The following DNAH8 variants were observed in gnomAD, a reference collection of about 807,000 sequenced individuals.
DNAH8 encodes the protein axonemal beta dynein heavy chain 8.
DNAH8 carries 382 observed loss-of-function variants against 562.1 expected under a neutral mutation model. That is an observed-to-expected ratio of 0.68 (90% CI 0.63 to 0.74). DNAH8 has a LOEUF of 0.74. DNAH8 is among the 30% of genes least tolerant of loss of function. The probability of loss-of-function intolerance (pLI) is 0.00; values close to 1 mark genes in which losing one functional copy is unlikely to be tolerated. For missense variants in DNAH8, 5,203 were observed against 5,620.4 expected, an observed-to-expected ratio of 0.93 and a Z score of 2.37; for synonymous variants, 1,881 against 1,919.4, an observed-to-expected ratio of 0.98 and a Z score of 0.52.
In DNAH8 at chr6:38,786,942, T is replaced by C; in HGVS notation, c.2573T>C (p.Leu858Pro). The change falls in exon 18 of 93, where the codon CTG becomes CCG. Residue 858 changes from leucine (L) to proline (P), a missense_variant. Transcript: ENST00000327475. Reference sequence around the variant, plus strand: ...GAAAGTAAATTGAAAGCAGACAAACTGTATTTGCAGGTAAGATAGATTATG... The same window carrying C: ...GAAAGTAAATTGAAAGCAGACAAACCGTATTTGCAGGTAAGATAGATTATG... ...KLESKLKADK[L>P]YLQGLLQYYD... is the part of the protein sequence containing the mutation. 6.2e-7 allele frequency: 1 copy of C among 1,603,312 alleles called. No homozygotes were observed. Among genetic ancestry groups the C allele is most frequent in the South Asian group, 1.1e-5 (1 of 88,840 alleles).
intron 4 of DNAH8, among the ~76,000 whole-genome samples, chr6:38,732,874 G>A (rs1424809361): frequency 6.6e-6 from 1 of 151,938 alleles, no homozygotes; most frequent in East Asian, 1.9e-4. Context: ...TTGTGATGTG[G>A]ATTTTCTATT....
intron 82 of DNAH8, among the ~76,000 whole-genome samples, chr6:38,956,038 G>A (rs1762220851): frequency 6.6e-6 from 1 of 152,230 alleles, no homozygotes. Flanking sequence ...GTGTCTCAGT[G>A]CAGAGGCTCG....
intron 12 of DNAH8, among the ~76,000 whole-genome samples, chr6:38,772,339 T>C (rs986824594): frequency 6.6e-6 from 1 of 152,190 alleles, no homozygotes; most frequent in Non-Finnish European, 1.5e-5. Context: ...AGGTTTATGA[T>C]TTCTTCATAT....
chr6:38,951,259 A>G lies in DNAH8; in HGVS notation c.12249-59A>G, dbSNP rs935590385. The G allele has an allele frequency of 5.6e-6, 8 of 1,431,620 alleles. No individual in the cohort carries two copies. The African/African-American group carries it at 9.9e-5, about 18-fold the overall frequency. The allele number at this position is 1,431,620 out of a possible 1,614,324, so 88.7% of individuals were successfully genotyped here. A position where few individuals can be genotyped will look rare whatever the true frequency, so the allele number is the denominator to read the frequency against. On this transcript the variant is annotated intron_variant, in intron 81 of 92. Coordinates refer to ENST00000327475, the MANE Select transcript of DNAH8 (RefSeq NM_001206927.2). ...ATTAAATGTATGTTTTTACTTACTC[A>G]GATAGGATAAAAATTGAACACGTTT...
At chr6:38,904,126 A>G (rs987573068) in intron 62 of DNAH8, among the ~76,000 whole-genome samples, 1 of 152,118 alleles carries the variant, frequency 6.6e-6, no homozygotes, top group Non-Finnish European at 1.5e-5. Context: ...AATTCTGTAA[A>G]AGGATGTGTT....
chr6:38,897,155 A>G (rs1779758782), intron 60 of DNAH8, among the ~76,000 whole-genome samples: 1 of 152,218 alleles, frequency 6.6e-6, no homozygotes, highest in Admixed American at 6.5e-5. Context: ...GTGAGCCACC[A>G]TGCCCGGCTG....
At chr6:38,876,757 C>T (rs1778044653) in intron 53 of DNAH8, among the ~76,000 whole-genome samples, 1 of 152,272 alleles carries the variant, frequency 6.6e-6, no homozygotes, top group South Asian at 2.1e-4. Context: ...CGGCCTTCCC[C>T]ACACTGGCAA....
At chr6:38,856,454 T>C (rs1776206904) in intron 41 of DNAH8, among the ~76,000 whole-genome samples, 2 of 152,140 alleles carry the variant, frequency 1.3e-5, no homozygotes, top group African/African-American at 4.8e-5. Context: ...GGTCTGCTGG[T>C]CTATTTGTCT....
chr6:38,797,730 C>G (rs1770408781), intron 21 of DNAH8, among the ~76,000 whole-genome samples: 1 of 152,160 alleles, frequency 6.6e-6, no homozygotes, highest in East Asian at 1.9e-4. Context: ...GTTTCTCACT[C>G]TAGTAACATC....
chr6:38,972,944 A>G (rs965846444), intron 83 of DNAH8, among the ~76,000 whole-genome samples: 7 of 152,172 alleles, frequency 4.6e-5, no homozygotes, highest in Non-Finnish European at 8.8e-5. Context: ...GACATGGTAT[A>G]TATGCCTTGC....
At chr6:38,715,954 A>ATTTTTTTTTT (rs1410399802) in intron 1 of DNAH8, among the ~76,000 whole-genome samples, 4 of 37,522 alleles carry the variant, frequency 1.1e-4, no homozygotes, top group African/African-American at 3.4e-4. Flanking sequence ...ATATATATAT[A>ATTTTTTTTTT]TATATATTTT....
intron 9 of DNAH8, among the ~76,000 whole-genome samples, chr6:38,754,963 C>T (rs1443443016): frequency 6.6e-6 from 1 of 151,858 alleles, no homozygotes; most frequent in Non-Finnish European, 1.5e-5. Flanking sequence ...GATTTTGGTG[C>T]CATTCGTATG....
Position 38,923,975 on chromosome 6 carries a change from T to A in DNAH8, c.10791-16T>A. 1.2e-6 allele frequency: 2 copies of A among 1,613,532 alleles called. No individual in the cohort carries two copies. The highest frequency in any genetic ancestry group is 1.7e-6 in the Non-Finnish European group (2 of 1,179,740). ...GTGACTCACTTTGGGGAGGGGGCTG[T>A]GTGTTTTCTTCACAGACTTGTAGGT... On this transcript the variant is annotated splice_polypyrimidine_tract_variant and intron_variant, in intron 72 of 92. Transcript: ENST00000327475.
chr6:38,906,507 A>G (rs990010082), intron 63 of DNAH8, 100 bp downstream of exon 63: 5 of 994,272 alleles, frequency 5.0e-6, no homozygotes, highest in Non-Finnish European at 5.5e-6. Flanking sequence ...TATTTAGTAC[A>G]TTTTTTATTT....
intron 88 of DNAH8, among the ~76,000 whole-genome samples, chr6:38,994,436 A>G (rs904639913): frequency 6.6e-6 from 1 of 150,610 alleles, no homozygotes; most frequent in Non-Finnish European, 1.5e-5. Context: ...CTGTTGTTAC[A>G]TCTGGATTTT....
At position 38,781,290 on chromosome 6, in the gene DNAH8, C is replaced by T. The variant is rs778334889; in HGVS notation, c.2176C>T (p.Arg726Cys). ...TCAGAAAGATGACCCCCCTCTTGCT[C>T]GCAACATGCCCCCTATAGCAGGAAA... ...HSQKDDPPLA[R>C]NMPPIAGKIL... is the part of the protein sequence containing the mutation. The change falls in exon 16 of 93, where the codon CGC becomes TGC. Residue 726 changes from arginine to cysteine, a missense_variant. Arg to Cys is a radical substitution (Grantham distance 180). This residue lies in a region of DNAH8 where 2,176 missense variants were observed against 2,365.1 expected (regional missense o/e 0.92). Coordinates refer to ENST00000327475, the MANE Select transcript of DNAH8 (RefSeq NM_001206927.2). The T allele has an allele frequency of 4.3e-6, 7 of 1,613,700 alleles. No homozygotes were observed. Among genetic ancestry groups the T allele is most frequent in the African/African-American group, 4.0e-5 (3 of 74,882 alleles).
chr6:38,804,759 AAGAGAGAGAGAGAGAG>A (rs137967997), intron 22 of DNAH8, among the ~76,000 whole-genome samples: 2 of 111,068 alleles, frequency 1.8e-5, no homozygotes, highest in Non-Finnish European at 4.0e-5. Context: ...ACATAGCAAG[AAGAGAGAGAGAGAGAG>A]AGAGAGAGAG....
chr6:38,897,430 G>T (rs762824435), intron 60 of DNAH8, among the ~76,000 whole-genome samples: 7 of 151,972 alleles, frequency 4.6e-5, no homozygotes, highest in Admixed American at 3.3e-4. Flanking sequence ...ACAATCACAA[G>T]ACAGAAAATA....
intron 58 of DNAH8, 80 bp from the exon 59 acceptor site, chr6:38,894,621 T>C: frequency 8.9e-7 from 1 of 1,125,990 alleles, no homozygotes; most frequent in Non-Finnish European, 1.3e-6. Flanking sequence ...AAATAGGATT[T>C]GTGAGACAGT....
Sources: gnomAD v4.1 joint callset for allele counts (sites outside exome capture counted in the v4.1 genomes callset) on GRCh38, gnomAD v4.1.1 for gene constraint, gnomAD v4.1.1 regional missense constraint, MANE v1.5 for transcripts, NCBI Gene and HGNC (gene_info 2026-07-23, HGNC 2026-07-21) for gene names.